COG5: variants seen among roughly 807,000 people sequenced by gnomAD.
The protein encoded by COG5 is conserved oligomeric Golgi complex subunit 5.
A neutral mutation model predicts 110.4 loss-of-function variants in COG5; 86 were observed. The observed-to-expected ratio is 0.78, with a 90% confidence interval of 0.65 to 0.93. The LOEUF is 0.93. COG5 is among the 40% of genes least tolerant of loss of function. The pLI, the probability that COG5 is intolerant of heterozygous loss-of-function variation, is 0.00. For synonymous variants in COG5, 360 were observed against 334.6 expected (o/e 1.08, Z -0.83); for missense variants, 1,077 against 987.0 (o/e 1.09, Z -1.22).
At chr7:107,316,694 T>C (rs888337370) in intron 11 of COG5, among the ~76,000 whole-genome samples, 5 of 136,936 alleles carry the variant, frequency 3.7e-5, no homozygotes, top group African/African-American at 1.4e-4. Context: ...TAGCCAGGCG[T>C]GGTGGCGGGC....
chr7:107,268,434 C>T (rs949146444), intron 14 of COG5, among the ~76,000 whole-genome samples: 2 of 152,248 alleles, frequency 1.3e-5, no homozygotes, highest in South Asian at 2.1e-4. Flanking sequence ...ATTACCTGAT[C>T]GAAAGCAGGA....
At chr7:107,329,710 C>T (rs1219390796) in intron 10 of COG5, among the ~76,000 whole-genome samples, 2 of 150,552 alleles carry the variant, frequency 1.3e-5, no homozygotes, top group Non-Finnish European at 3.0e-5. Context: ...TTGGCAACAG[C>T]GAGACCCCCC....
chr7:107,331,840 C>CTT (rs750263117), intron 10 of COG5, among the ~76,000 whole-genome samples: 98 of 131,812 alleles, frequency 7.4e-4, no homozygotes, highest in African/African-American at 7.4e-4. Context: ...CTGCTTGCCT[C>CTT]TTTTTTTTTT....
intron 6 of COG5, among the ~76,000 whole-genome samples, chr7:107,453,796 A>C (rs1795498214): frequency 6.6e-6 from 1 of 152,176 alleles, no homozygotes; most frequent in Non-Finnish European, 1.5e-5. Flanking sequence ...TTATAATACC[A>C]ATAAACTGTC....
chr7:107,204,271 C>T (rs1798584759), intron 21 of COG5, among the ~76,000 whole-genome samples: 1 of 152,116 alleles, frequency 6.6e-6, no homozygotes, highest in African/African-American at 2.4e-5. Flanking sequence ...TGAATCTAGC[C>T]TGATGCTTGT....
intron 5 of COG5, among the ~76,000 whole-genome samples, chr7:107,537,948 A>G (rs1801711762): frequency 6.6e-6 from 1 of 152,198 alleles, no homozygotes; most frequent in African/African-American, 2.4e-5. Flanking sequence ...AATAAGGGCA[A>G]CAGAGTCCTT....
At chr7:107,251,000 A>G (rs1802459577) in intron 16 of COG5, among the ~76,000 whole-genome samples, 1 of 152,080 alleles carries the variant, frequency 6.6e-6, no homozygotes, top group Admixed American at 6.6e-5. Context: ...GCTAATCAAA[A>G]TAATGAAAAG....
At chr7:107,547,877 GA>G (rs1802562225) in intron 5 of COG5, 13 of 478,114 alleles carry the variant, frequency 2.7e-5, no homozygotes, top group Non-Finnish European at 4.1e-5. Context: ...GAAAGAAATT[GA>G]AGAAGATATA....
intron 7 of COG5, among the ~76,000 whole-genome samples, chr7:107,388,870 G>A (rs927687331): frequency 6.6e-6 from 1 of 152,106 alleles, no homozygotes. Flanking sequence ...GACCCTACAG[G>A]ACCCGCAGCC....
chr7:107,504,968 G>A (rs1246375094), intron 6 of COG5, among the ~76,000 whole-genome samples: 1 of 151,958 alleles, frequency 6.6e-6, no homozygotes, highest in African/African-American at 2.4e-5. Context: ...GTGCTTTCAG[G>A]GGTGGAAACT....
At chr7:107,422,188 T>A (rs2129073829) in intron 6 of COG5, among the ~76,000 whole-genome samples, 1 of 152,220 alleles carries the variant, frequency 6.6e-6, no homozygotes, top group East Asian at 1.9e-4. Flanking sequence ...AAATTTGTAA[T>A]CTCCTAGTAA....
At chr7:107,231,323 T>C (rs1800761802) in intron 18 of COG5, among the ~76,000 whole-genome samples, 1 of 152,210 alleles carries the variant, frequency 6.6e-6, no homozygotes, top group Non-Finnish European at 1.5e-5. Flanking sequence ...TCAGCAATTA[T>C]TATCAGTGTT....
chr7:107,368,149 CTTATTTT>C (rs1813795647), intron 8 of COG5, among the ~76,000 whole-genome samples: 1 of 151,426 alleles, frequency 6.6e-6, no homozygotes, highest in African/African-American at 2.4e-5. Context: ...ACTTCAATTT[CTTATTTT>C]TTTTAAATCT....
rs114979804 is a variant in COG5, at chr7:107,385,288, C to T, written c.670-12528G>A. On this transcript the variant is annotated intron_variant, in intron 7 of 21. Transcript: ENST00000297135. ...GTTCTGCCAACACCTTGATTTGACT[C>T]CCAGCTTCCAGAACTGTGAGAAAAT... Among the ~76,000 whole-genome samples the T allele has an allele frequency of 5.3e-3, 811 of 152,278 alleles. 9 individuals carry two copies. Among genetic ancestry groups the T allele is most frequent in the African/African-American group, 0.019 (789 of 41,564 alleles).
intron 10 of COG5, among the ~76,000 whole-genome samples, chr7:107,333,869 T>C (rs1052498090): frequency 2.6e-5 from 4 of 152,102 alleles, no homozygotes; most frequent in African/African-American, 7.2e-5. Context: ...TAATGCCTAA[T>C]CTCATACTTA....
intron 3 of COG5, among the ~76,000 whole-genome samples, chr7:107,552,572 A>G (rs1802987953): frequency 6.6e-6 from 1 of 152,362 alleles, no homozygotes; most frequent in East Asian, 1.9e-4. Flanking sequence ...CAAAACCACA[A>G]TGAGATACCA....
At chr7:107,358,892 C>T (rs1233954288) in intron 10 of COG5, among the ~76,000 whole-genome samples, 2 of 152,260 alleles carry the variant, frequency 1.3e-5, no homozygotes, top group Non-Finnish European at 2.9e-5. Flanking sequence ...CTGGTCTCCT[C>T]TAGATCTTGC....
chr7:107,331,666 G>A (rs1810260553), intron 10 of COG5, among the ~76,000 whole-genome samples: 1 of 152,074 alleles, frequency 6.6e-6, no homozygotes, highest in Non-Finnish European at 1.5e-5. Flanking sequence ...GCCAGAAGAT[G>A]TATTTATTAA....
At chr7:107,318,073 G>C (rs1808917006) in intron 11 of COG5, among the ~76,000 whole-genome samples, 1 of 151,866 alleles carries the variant, frequency 6.6e-6, no homozygotes, top group African/African-American at 2.4e-5. Flanking sequence ...CTGTTGCCAG[G>C]CTGGAGTGCA....
Sources: gnomAD v4.1 joint callset for allele counts (sites outside exome capture counted in the v4.1 genomes callset) on GRCh38, gnomAD v4.1.1 for gene constraint, MANE v1.5 for transcripts, NCBI Gene and HGNC (gene_info 2026-07-23, HGNC 2026-07-21) for gene names.